The following ZNF462 variants were observed in gnomAD, a reference collection of about 807,000 sequenced individuals.
ZNF462 encodes the protein zinc finger protein 462, also known as zinc finger PBX1-interacting protein.
Under a neutral mutation model 201.9 loss-of-function variants are expected in ZNF462, and 10 were observed. The ratio of observed to expected loss-of-function variants is 0.05; its 90% CI spans 0.03 to 0.08. ZNF462 has a LOEUF of 0.08. Ranked by LOEUF, ZNF462 falls within the 10% of genes least tolerant of loss-of-function variation. The pLI is 1.00. For missense variants in ZNF462, 2,523 were observed against 3,168.3 expected, an observed-to-expected ratio of 0.80 and a Z score of 4.89; for synonymous variants, 1,227 against 1,193.3, an observed-to-expected ratio of 1.03 and a Z score of -0.58.
intron 7 of ZNF462, among the ~76,000 whole-genome samples, chr9:106,940,715 T>TGAA (rs1830831599): frequency 2.0e-5 from 3 of 152,076 alleles, no homozygotes; most frequent in Non-Finnish European, 4.4e-5. Context: ...CCTTAGCTAC[T>TGAA]GTGTAGTAGT....
At position 106,872,013 on chromosome 9, in the gene ZNF462, C is replaced by T. The variant is rs1244590484; in HGVS notation, c.-31+8658C>T. Among the ~76,000 whole-genome samples, 1 of 152,162 alleles carries T rather than the reference C, an allele frequency of 6.6e-6. No individual in the cohort carries two copies. Among genetic ancestry groups the T allele is most frequent in the Non-Finnish European group, 1.5e-5 (1 of 68,030 alleles). On this transcript the variant is annotated intron_variant, in intron 1 of 12. Coordinates refer to ENST00000277225, the MANE Select transcript of ZNF462 (RefSeq NM_021224.6). The surrounding 1 kb of genome is among the most constrained non-coding windows in gnomAD (Gnocchi z 4.5). ...GCCAAGCGTCACAGGCTGGTCTGTC[C>T]TTCCAGTCCCAGCATTTTAAAATCC...
chr9:106,960,521 T>C (rs1831785130), intron 7 of ZNF462, among the ~76,000 whole-genome samples: 1 of 152,128 alleles, frequency 6.6e-6, no homozygotes, highest in Non-Finnish European at 1.5e-5. Flanking sequence ...AAGACATCTA[T>C]ATGATCTAAA....
chr9:106,961,707 G>A (rs971581771), intron 7 of ZNF462, among the ~76,000 whole-genome samples: 36 of 151,984 alleles, frequency 2.4e-4, no homozygotes, highest in Admixed American at 2.3e-3. Context: ...AGAGATCATA[G>A]TCTGGTAGGG....
Position 107,005,870 on chromosome 9 carries a change from G to A in ZNF462, c.7189+2444G>A, listed in dbSNP as rs192863568. 4.9e-4 allele frequency among the ~76,000 whole-genome samples: 74 copies of A among 152,288 alleles called. No individual in the cohort carries two copies. The highest frequency in any genetic ancestry group is 8.8e-4 in the Non-Finnish European group (60 of 68,014). Reference sequence around the variant, plus strand: ...GAGACGATTTTTGTATCTGGTGTGAGATAAGGATCTAATTTCATTCTTCTG... The same window carrying A: ...GAGACGATTTTTGTATCTGGTGTGAAATAAGGATCTAATTTCATTCTTCTG... On this transcript the variant is annotated intron_variant, in intron 11 of 12. Coordinates refer to ENST00000277225, the MANE Select transcript of ZNF462 (RefSeq NM_021224.6). This position sits in a 1 kb window ranked among gnomAD's most constrained non-coding sequence, Gnocchi z 4.4.
Position 106,935,837 on chromosome 9 carries a change from A to G in ZNF462, c.6235+216A>G, listed in dbSNP as rs1167081403. Among the ~76,000 whole-genome samples, 7 of 152,258 alleles carry G rather than the reference A, an allele frequency of 4.6e-5. No homozygotes were observed. Among genetic ancestry groups the G allele is most frequent in the Admixed American group, 2.0e-4 (3 of 15,292 alleles). Reference sequence around the variant, plus strand: ...CTAAATCCAAAATAATACAAAGCCTATGTCACCCATGTTATGGTTAGTTCG... The same window carrying G: ...CTAAATCCAAAATAATACAAAGCCTGTGTCACCCATGTTATGGTTAGTTCG... On this transcript the variant is annotated intron_variant, in intron 6 of 12. Transcript: ENST00000277225. This position sits in a 1 kb window ranked among gnomAD's most constrained non-coding sequence, Gnocchi z 4.1.
Position 106,926,392 on chromosome 9 carries a change from C to T in ZNF462, c.2480C>T (p.Thr827Ile). 1 of 1,614,200 alleles carries T rather than the reference C, an allele frequency of 6.2e-7. No individual in the cohort carries two copies. Among genetic ancestry groups the T allele is most frequent in the South Asian group, 1.1e-5 (1 of 91,078 alleles). Residue 827 changes from threonine (T) to isoleucine (I), a missense_variant, in exon 3 of 13, where the codon ACT (threonine) becomes ATT (isoleucine). Thr to Ile is a moderately conservative substitution (Grantham distance 89). Transcript: ENST00000277225. The surrounding 1 kb of genome is among the most constrained non-coding windows in gnomAD (Gnocchi z 7.9). ...AATACCCAAACTCCCATCTATGGGA[C>T]TGAGCACAATAGTGAAAACACAGAC... is the stretch of plus-strand genomic sequence containing the variant. ...LLNTQTPIYG[T>I]EHNSENTDFG...
Position 106,924,635 on chromosome 9 carries a change from C to T in ZNF462, c.723C>T (p.Gly241=), listed in dbSNP as rs760360784. The T allele has an allele frequency of 6.2e-7, 1 of 1,614,152 alleles. No individual in the cohort carries two copies. Among genetic ancestry groups the T allele is most frequent in the Non-Finnish European group, 8.5e-7 (1 of 1,180,042 alleles). The change falls in exon 3 of 13, where the codon GGC becomes GGT. Residue 241 remains glycine (G), a synonymous_variant. Coordinates refer to ENST00000277225, the MANE Select transcript of ZNF462 (RefSeq NM_021224.6). This position sits in a 1 kb window ranked among gnomAD's most constrained non-coding sequence, Gnocchi z 6.2. ...SMVKPLTKSR[G]NFCCEWCSYQ... is the part of the protein sequence containing the mutation. ...TCAAGCCTTTGACCAAATCTCGAGGCAACTTTTGTTGTGAGTGGTGCAGCT... is the reference window on the plus strand; with the variant it reads ...TCAAGCCTTTGACCAAATCTCGAGGTAACTTTTGTTGTGAGTGGTGCAGCT...
intron 1 of ZNF462, among the ~76,000 whole-genome samples, chr9:106,863,596 GGGAGGAAGAGGAGGA>G (rs956540191): frequency 5.9e-5 from 9 of 151,400 alleles, no homozygotes; most frequent in East Asian, 2.0e-4. Flanking sequence ...GGAGAAGCGA[GGGAGGAAGAGGAGGA>G]GGAGGAAGAG....
chr9:106,908,902 CATATATACATAT>C (rs556764642), intron 1 of ZNF462, among the ~76,000 whole-genome samples: 868 of 77,102 alleles, frequency 0.011, 7 homozygotes, highest in Non-Finnish European at 0.016. Flanking sequence ...AATATTTGCC[CATATATACATAT>C]ATATATATAT....
In ZNF462 at chr9:106,923,013, C is replaced by G. The variant is rs544041770; in HGVS notation, c.-30-341C>G. Among the ~76,000 whole-genome samples, 2 of 152,208 alleles carry G rather than the reference C, an allele frequency of 1.3e-5. No homozygotes were observed. The highest frequency in any genetic ancestry group is 4.1e-4 in the South Asian group (2 of 4,830). On this transcript the variant is annotated intron_variant, in intron 1 of 12. Transcript: ENST00000277225. The surrounding 1 kb of genome is among the most constrained non-coding windows in gnomAD (Gnocchi z 5.6). ...AAATGAGTCCAAGGCAGAACCAAAGCCAACATTAAGTTACCAAGAAATTTG... is the reference window on the plus strand; with the variant it reads ...AAATGAGTCCAAGGCAGAACCAAAGGCAACATTAAGTTACCAAGAAATTTG...
chr9:106,955,686 C>G (rs938843850), intron 7 of ZNF462, among the ~76,000 whole-genome samples: 2 of 152,192 alleles, frequency 1.3e-5, no homozygotes, highest in African/African-American at 4.8e-5. Flanking sequence ...TCAATATTCT[C>G]AAACCCTGCC....
chr9:106,862,288 T>C (rs908423864), upstream of ZNF462, among the ~76,000 whole-genome samples: 1 of 152,152 alleles, frequency 6.6e-6, no homozygotes, highest in Non-Finnish European at 1.5e-5. This position sits in a 1 kb window ranked among gnomAD's most constrained non-coding sequence, Gnocchi z 4.2. Context: ...TTTGCAAAGG[T>C]TGGCCTCTAG....
chr9:106,992,355 G>C (rs561175768), intron 10 of ZNF462, among the ~76,000 whole-genome samples: 1 of 152,022 alleles, frequency 6.6e-6, no homozygotes, highest in Non-Finnish European at 1.5e-5. Flanking sequence ...CAAAGTGTTG[G>C]CAAGTATGTA....
rs1165932592 is a variant in ZNF462 at position 106,970,599 on chromosome 9, A to C, written c.6428-1406A>C. On this transcript the variant is annotated intron_variant, in intron 7 of 12. Transcript: ENST00000277225. The surrounding 1 kb of genome is among the most constrained non-coding windows in gnomAD (Gnocchi z 4.2). Reference sequence around the variant, plus strand: ...ATCCCCTTTCCCCCCTGCTTTTTGAAAGGCTTAAGAAAAGAGCCCTTTGTT... The same window carrying C: ...ATCCCCTTTCCCCCCTGCTTTTTGACAGGCTTAAGAAAAGAGCCCTTTGTT... Among the ~76,000 whole-genome samples the C allele has an allele frequency of 1.3e-5, 2 of 152,132 alleles. No homozygotes were observed. The highest frequency in any genetic ancestry group is 2.9e-5 in the Non-Finnish European group (2 of 68,008).
At position 106,928,850 on chromosome 9, in the gene ZNF462, T is replaced by C; in HGVS notation, c.4938T>C (p.Thr1646=). ...EEEVGEEPVS[T]SHFSTSHLVS... ...AGGTGGGAGAGGAGCCCGTGTCCACTTCTCACTTCTCTACCTCCCACCTGG... is the reference window on the plus strand; with the variant it reads ...AGGTGGGAGAGGAGCCCGTGTCCACCTCTCACTTCTCTACCTCCCACCTGG... Residue 1646 remains threonine, a synonymous_variant, in exon 3 of 13, where the codon ACT becomes ACC. Coordinates refer to ENST00000277225, the MANE Select transcript of ZNF462 (RefSeq NM_021224.6). This position sits in a 1 kb window ranked among gnomAD's most constrained non-coding sequence, Gnocchi z 9.3. 6.2e-7 allele frequency: 1 copy of C among 1,613,972 alleles called. No homozygotes were observed. The highest frequency in any genetic ancestry group is 8.5e-7 in the Non-Finnish European group (1 of 1,180,008).
At chr9:106,891,682 T>G (rs575808256) in intron 1 of ZNF462, among the ~76,000 whole-genome samples, 43 of 152,198 alleles carry the variant, frequency 2.8e-4, no homozygotes, top group Non-Finnish European at 5.7e-4. Flanking sequence ...CTTTTGCAAG[T>G]TCTTCCCCTC....
chr9:106,924,083 A>C lies in ZNF462; in HGVS notation c.221-50A>C. ...GAATGGTACTGATTTGCATGATTGG[A>C]TATTTTAATTATCTTTTGCTTTGTC... is the stretch of plus-strand genomic sequence containing the variant. On this transcript the variant is annotated intron_variant, in intron 2 of 12. Transcript: ENST00000277225. The surrounding 1 kb of genome is among the most constrained non-coding windows in gnomAD (Gnocchi z 6.2). 7.0e-7 allele frequency: 1 copy of C among 1,438,654 alleles called. No individual in the cohort carries two copies. The highest frequency in any genetic ancestry group is 9.5e-7 in the Non-Finnish European group (1 of 1,056,788). The allele number at this position is 1,438,654 out of a possible 1,614,324, so 89.1% of individuals were successfully genotyped here. A position where few individuals can be genotyped will look rare whatever the true frequency, so the allele number is the denominator to read the frequency against.
upstream of ZNF462, among the ~76,000 whole-genome samples, chr9:106,861,341 G>A (rs1189210893): frequency 6.6e-6 from 1 of 152,080 alleles, no homozygotes; most frequent in East Asian, 1.9e-4. Flanking sequence ...TTATTGTATG[G>A]ATTTATAGGT....
At chr9:107,002,114 G>T (rs1829230713) in intron 10 of ZNF462, among the ~76,000 whole-genome samples, 1 of 152,156 alleles carries the variant, frequency 6.6e-6, no homozygotes, top group East Asian at 1.9e-4. Flanking sequence ...TGGTCCCAAA[G>T]ACTATTTTGG....
Sources: allele counts gnomAD v4.1 joint callset (sites outside exome capture counted in the v4.1 genomes callset), GRCh38; gene constraint gnomAD v4.1.1; non-coding constraint Gnocchi (gnomAD v3.1); transcripts MANE v1.5; gene names NCBI Gene and HGNC (gene_info 2026-07-23, HGNC 2026-07-21).